Variants in TLK1 observed in about 807,000 individuals in gnomAD.
The protein encoded by TLK1 is serine/threonine-protein kinase tousled-like 1.
Under a neutral mutation model 105.3 loss-of-function variants are expected in TLK1, and 24 were observed. The ratio of observed to expected loss-of-function variants is 0.23; its 90% CI spans 0.17 to 0.32. The LOEUF is 0.32. TLK1 is among the 10% of genes least tolerant of loss of function. The pLI is 1.00. For synonymous variants in TLK1, 321 were observed against 310.4 expected (o/e 1.03, Z -0.36); for missense variants, 558 against 910.5 (o/e 0.61, Z 4.98).
intron 2 of TLK1, among the ~76,000 whole-genome samples, chr2:171,109,871 A>C (rs1045818627): frequency 7.9e-5 from 12 of 152,366 alleles, no homozygotes; most frequent in Middle Eastern, 3.4e-3. Context: ...AAAGGATGCC[A>C]GATACAAAAG....
rs192677438 is a variant in TLK1 at position 171,181,872 on chromosome 2, T to C, written c.-6+49273A>G. Among the ~76,000 whole-genome samples the C allele has an allele frequency of 4.9e-3, 752 of 152,254 alleles. 11 individuals are homozygous for C. In the South Asian group the frequency reaches 0.054, roughly 11 times the overall value. On this transcript the variant is annotated intron_variant, in intron 1 of 20. Coordinates refer to the TLK1 transcript ENST00000521943. The stretch of plus-strand genomic sequence containing the variant: ...GCAGTCCTTCTCTCTCTCCATCTCC[T>C]CCTAATCTGTCAGCTGCCTCTGGCT...
chr2:171,200,822 C>A (rs753507625), intron 1 of TLK1, among the ~76,000 whole-genome samples: 44 of 151,020 alleles, frequency 2.9e-4, no homozygotes, highest in Non-Finnish European at 5.5e-4. Context: ...TTTTATTAAT[C>A]TAAATCATTT....
intron 1 of TLK1, among the ~76,000 whole-genome samples, chr2:171,193,400 G>GT (rs548997754): frequency 0.15 from 20,606 of 138,646 alleles, 1,802 homozygotes; most frequent in African/African-American, 0.25. Context: ...TTAGTTTTTC[G>GT]TTTTTTTTTT....
intron 1 of TLK1, among the ~76,000 whole-genome samples, chr2:171,222,580 C>T (rs564608211): frequency 6.6e-6 from 1 of 152,218 alleles, no homozygotes; most frequent in African/African-American, 2.4e-5. Flanking sequence ...GATCCACCCC[C>T]CTCTGCCTCC....
chr2:171,066,766 T>C (rs549802468), intron 3 of TLK1: 1 of 1,468,630 alleles, frequency 6.8e-7, no homozygotes, highest in Admixed American at 2.1e-5. Context: ...TGGCTATCCC[T>C]TTAAGGCTTT....
intron 12 of TLK1, among the ~76,000 whole-genome samples, chr2:171,017,019 CAT>C (rs957238238): frequency 6.6e-6 from 1 of 152,112 alleles, no homozygotes; most frequent in African/African-American, 2.4e-5. Context: ...GCTTCGGTCA[CAT>C]ATATTTTTAA....
rs970790374 is a variant in TLK1 at position 171,068,682 on chromosome 2, T to A, written c.331-7526A>T. Among the ~76,000 whole-genome samples the A allele has an allele frequency of 9.9e-5, 15 of 152,098 alleles. 1 individual carries two copies. The highest frequency in any genetic ancestry group is 8.5e-4 in the Admixed American group (13 of 15,286). On this transcript the variant is annotated intron_variant, in intron 3 of 20. Transcript: ENST00000431350. The stretch of plus-strand genomic sequence containing the variant: ...TGTATCATCAGGATTAGGAACAGTC[T>A]GTCTGTCTATCTAGGTTTATATATA...
chr2:171,071,630 ATTAC>A (rs35111066), intron 3 of TLK1, among the ~76,000 whole-genome samples: 3,913 of 152,168 alleles, frequency 0.026, 181 homozygotes, highest in South Asian at 0.14. Context: ...CTTGTCGGGT[ATTAC>A]TTAAGAAATC....
intron 1 of TLK1, among the ~76,000 whole-genome samples, chr2:171,138,471 C>T (rs1053889470): frequency 3.3e-5 from 5 of 152,098 alleles, no homozygotes; most frequent in South Asian, 2.1e-4. Context: ...TACGAAATAA[C>T]GTAATCCCTC....
At chr2:171,017,366 T>TGGTG (rs2105376718) in intron 12 of TLK1, among the ~76,000 whole-genome samples, 1 of 152,338 alleles carries the variant, frequency 6.6e-6, no homozygotes, top group South Asian at 2.1e-4. Context: ...ACTCAACATT[T>TGGTG]GGTGGGCTGG....
intron 1 of TLK1, among the ~76,000 whole-genome samples, chr2:171,229,498 C>T (rs13420513): frequency 0.054 from 8,274 of 152,258 alleles, 477 homozygotes; most frequent in East Asian, 0.25. Context: ...CTCACTCTTC[C>T]CTCCGGGTGC....
At chr2:171,021,489 A>C in intron 12 of TLK1, among the ~76,000 whole-genome samples, 3 of 136,238 alleles carry the variant, frequency 2.2e-5, no homozygotes, top group African/African-American at 5.8e-5. Flanking sequence ...CAAGATTTCC[A>C]ACTCCTGGGC....
Position 171,060,220 on chromosome 2 carries a change from C to T in TLK1, c.406+861G>A, listed in dbSNP as rs1008866474. Among the ~76,000 whole-genome samples, 4 of 152,154 alleles carry T rather than the reference C, an allele frequency of 2.6e-5. No homozygotes were observed. The East Asian group carries it at 5.8e-4, about 22-fold the overall frequency. On this transcript the variant is annotated intron_variant, in intron 4 of 20. Transcript: ENST00000431350. ...ACCAATCCAGAAGCCTCATCTTATTCGGGGGCTTGTTTTTGAGTTTATATC... is the reference window on the plus strand; with the variant it reads ...ACCAATCCAGAAGCCTCATCTTATTTGGGGGCTTGTTTTTGAGTTTATATC...
At chr2:171,020,260 G>C (rs551720971) in intron 12 of TLK1, among the ~76,000 whole-genome samples, 3 of 151,218 alleles carry the variant, frequency 2.0e-5, no homozygotes, top group African/African-American at 7.3e-5. Context: ...TCTAATTAAG[G>C]GCCAGGTGCG....
intron 1 of TLK1, among the ~76,000 whole-genome samples, chr2:171,194,545 C>T (rs542123036): frequency 1.3e-5 from 2 of 152,262 alleles, no homozygotes; most frequent in African/African-American, 4.8e-5. Context: ...GGGCTGGGCG[C>T]GGTGGCTCAC....
chr2:171,047,193 T>C (rs914858256), intron 10 of TLK1, among the ~76,000 whole-genome samples: 10 of 152,220 alleles, frequency 6.6e-5, no homozygotes, highest in African/African-American at 2.4e-4. Context: ...ATGTCTATTA[T>C]TAAAATGTAG....
At chr2:171,217,033 T>C (rs932230794) in intron 1 of TLK1, among the ~76,000 whole-genome samples, 2 of 152,222 alleles carry the variant, frequency 1.3e-5, no homozygotes, top group Non-Finnish European at 2.9e-5. Flanking sequence ...CCTAGGAAAC[T>C]GATACCAAAC....
At chr2:171,120,150 G>A (rs1025423598) in intron 1 of TLK1, among the ~76,000 whole-genome samples, 1 of 149,192 alleles carries the variant, frequency 6.7e-6, no homozygotes, top group Admixed American at 6.7e-5. Flanking sequence ...TCAGGAGGCT[G>A]AGGCAAGAGA....
intron 1 of TLK1, among the ~76,000 whole-genome samples, chr2:171,140,468 AAG>A (rs1691528802): frequency 6.6e-6 from 1 of 152,202 alleles, no homozygotes; most frequent in African/African-American, 2.4e-5. Context: ...TGAGGCTGGA[AAG>A]CTAAGCAAAA....
Sources: gnomAD v4.1 joint callset for allele counts (sites outside exome capture counted in the v4.1 genomes callset) on GRCh38, gnomAD v4.1.1 for gene constraint, MANE v1.5 for transcripts, NCBI Gene and HGNC (gene_info 2026-07-23, HGNC 2026-07-21) for gene names.